Variants in PLA2G4E observed in about 807,000 individuals in gnomAD.
PLA2G4E encodes phospholipase A2 group IVE.
Under a neutral mutation model 109.1 loss-of-function variants are expected in PLA2G4E, and 84 were observed. The ratio of observed to expected loss-of-function variants is 0.77; its 90% CI spans 0.65 to 0.92. PLA2G4E has a LOEUF of 0.92. Ranked by LOEUF, PLA2G4E falls within the 40% of genes least tolerant of loss-of-function variation. The pLI is 0.00. For missense variants in PLA2G4E, 1,057 were observed against 1,076.6 expected, an observed-to-expected ratio of 0.98 and a Z score of 0.25; for synonymous variants, 469 against 436.1, an observed-to-expected ratio of 1.08 and a Z score of -0.94.
intron 1 of PLA2G4E, among the ~76,000 whole-genome samples, chr15:42,049,003 C>T (rs975990333): frequency 2.6e-5 from 4 of 152,338 alleles, no homozygotes; most frequent in African/African-American, 9.6e-5. Context: ...GCAGGGGAGA[C>T]AGCTCGCCCC....
chr15:42,002,650 T>C lies in PLA2G4E; in HGVS notation c.609+4A>G. 3 of 1,583,522 alleles carry C rather than the reference T, an allele frequency of 1.9e-6. No individual in the cohort carries two copies. The highest frequency in any genetic ancestry group is 2.6e-6 in the Non-Finnish European group (3 of 1,164,662). The stretch of plus-strand genomic sequence containing the variant: ...GAGCTACAGGAACCCAGGAAGATAA[T>C]TACCACCAGCACGCCATTGGTGACG... On this transcript the variant is annotated splice_donor_region_variant and intron_variant, in intron 6 of 19. Transcript: ENST00000399518.
intron 5 of PLA2G4E, among the ~76,000 whole-genome samples, chr15:42,003,592 AT>A (rs1181294537): frequency 2.0e-5 from 3 of 152,232 alleles, no homozygotes; most frequent in Admixed American, 6.5e-5. Context: ...ATTTTCTTCA[AT>A]GTTAAGTAAA....
rs754698962 is a variant in PLA2G4E at position 41,985,857 on chromosome 15, A to G, written c.2184T>C (p.Cys728=). 4 of 1,610,972 alleles carry G rather than the reference A, an allele frequency of 2.5e-6. No individual in the cohort carries two copies. The Admixed American group carries it at 5.0e-5, about 20-fold the overall frequency. The change falls in exon 18 of 20, where the codon TGT becomes TGC. Residue 728 remains cysteine (C), a synonymous_variant. Coordinates refer to ENST00000399518, the Ensembl canonical transcript of PLA2G4E. ...CACTTGCCTTTGTCTGGGACCCAGC[A>G]CAGTAGTTGAGGTGGATGATGAGGT...
At chr15:41,985,228 G>A (rs528302711) in intron 18 of PLA2G4E, among the ~76,000 whole-genome samples, 1 of 152,316 alleles carries the variant, frequency 6.6e-6, no homozygotes, top group East Asian at 1.9e-4. Flanking sequence ...AAGATCACAC[G>A]TAGGAAAGTG....
chr15:41,999,711 C>T, intron 9 of PLA2G4E, 150 bp from the exon 10 acceptor site: 1 of 1,160,176 alleles, frequency 8.6e-7, no homozygotes, highest in South Asian at 1.5e-5. Context: ...ACAATCTCCC[C>T]ACCATCTTCA....
intron 1 of PLA2G4E, among the ~76,000 whole-genome samples, chr15:42,017,115 G>C (rs1046411236): frequency 6.6e-6 from 1 of 152,228 alleles, no homozygotes; most frequent in African/African-American, 2.4e-5. Flanking sequence ...CTTCAGCCCA[G>C]GCAGGAGTCC....
intron 1 of PLA2G4E, among the ~76,000 whole-genome samples, chr15:42,027,599 G>A (rs1286747067): frequency 2.6e-5 from 4 of 152,182 alleles, no homozygotes; most frequent in East Asian, 1.9e-4. Context: ...AAACATAAGC[G>A]AGATTACGTG....
chr15:41,994,381 A>G (rs1318441540), intron 12 of PLA2G4E, among the ~76,000 whole-genome samples: 2 of 152,174 alleles, frequency 1.3e-5, no homozygotes, highest in East Asian at 3.9e-4. Flanking sequence ...GGCTACCCAG[A>G]GCTCCTCCAG....
intron 1 of PLA2G4E, among the ~76,000 whole-genome samples, chr15:42,044,120 G>A (rs190842331): frequency 6.6e-6 from 1 of 152,156 alleles, no homozygotes; most frequent in Non-Finnish European, 1.5e-5. Flanking sequence ...AATCAACATG[G>A]TGCCTGCTCT....
chr15:42,004,023 G>A (rs765616796), intron 5 of PLA2G4E, among the ~76,000 whole-genome samples: 1 of 152,128 alleles, frequency 6.6e-6, no homozygotes. Context: ...AATTGAAAAT[G>A]ATTTGGGCTG....
chr15:42,001,425 GAAGCT>G (rs1239672746), intron 6 of PLA2G4E, among the ~76,000 whole-genome samples: 1 of 152,162 alleles, frequency 6.6e-6, no homozygotes, highest in Non-Finnish European at 1.5e-5. Context: ...ACTTGACCAC[GAAGCT>G]GTCCCAGGAG....
At chr15:42,039,311 A>G (rs1889274193) in intron 1 of PLA2G4E, among the ~76,000 whole-genome samples, 1 of 152,216 alleles carries the variant, frequency 6.6e-6, no homozygotes, top group Non-Finnish European at 1.5e-5. Context: ...AAAATCACAT[A>G]ATATGCTCAA....
chr15:42,041,517 G>T (rs1181016402), intron 1 of PLA2G4E, among the ~76,000 whole-genome samples: 1 of 152,116 alleles, frequency 6.6e-6, no homozygotes, highest in Non-Finnish European at 1.5e-5. Flanking sequence ...TTGGGACTCG[G>T]ACTCCTCATT....
intron 2 of PLA2G4E, among the ~76,000 whole-genome samples, chr15:42,012,768 G>T (rs1190072836): frequency 6.6e-6 from 1 of 152,156 alleles, no homozygotes; most frequent in Non-Finnish European, 1.5e-5. Context: ...CTCAATCTCA[G>T]GGCTCTGTGT....
chr15:42,017,335 T>C (rs2068605029), intron 1 of PLA2G4E, among the ~76,000 whole-genome samples: 1 of 152,170 alleles, frequency 6.6e-6, no homozygotes, highest in African/African-American at 2.4e-5. Flanking sequence ...TTCACTCCCA[T>C]CATCTAACCT....
intron 1 of PLA2G4E, among the ~76,000 whole-genome samples, chr15:42,044,783 A>AT (rs1566853220): frequency 6.9e-6 from 1 of 144,232 alleles, no homozygotes; most frequent in African/African-American, 2.6e-5. Flanking sequence ...TTAAAGTATA[A>AT]TAAAAAAAAA....
At chr15:41,984,355 C>T in intron 19 of PLA2G4E, 81 bp downstream of exon 19, 1 of 1,420,176 alleles carries the variant, frequency 7.0e-7, no homozygotes, top group Non-Finnish European at 9.6e-7. Context: ...CCCGTTAGTG[C>T]CCTTAGAGAC....
rs758720570 is a variant in PLA2G4E, at chr15:41,992,708, G to A, written c.1470+29C>T. On this transcript the variant is annotated intron_variant, in intron 13 of 19. Transcript: ENST00000399518. ...AGAGCCAGGCATCAGCCAGGGCAGG[G>A]TGGGGCCCAGGAGAAGCCGAGCACC... The A allele has an allele frequency of 6.2e-6, 10 of 1,602,006 alleles. No homozygotes were observed. The South Asian group carries it at 1.1e-4, about 18-fold the overall frequency.
At chr15:42,006,037 G>C (rs1308625469) in exon 4 of PLA2G4E, 1 of 1,613,890 alleles carries the variant, frequency 6.2e-7, no homozygotes, top group East Asian at 2.2e-5. Context: ...CGGAAACAGA[G>C]CTTGGTGAGG....
Sources: allele counts gnomAD v4.1 joint callset (sites outside exome capture counted in the v4.1 genomes callset), GRCh38; gene constraint gnomAD v4.1.1; transcripts MANE v1.5; gene names NCBI Gene and HGNC (gene_info 2026-07-23, HGNC 2026-07-21).